The following EAPP variants were observed in gnomAD, a reference collection of about 807,000 sequenced individuals.
EAPP encodes E2F associated phosphoprotein.
In EAPP, 38 loss-of-function variants were observed where a neutral mutation model predicts 34.3. The observed-to-expected ratio is 1.11, with a 90% CI of 0.85 to 1.45. EAPP has a LOEUF of 1.45. Among genes scored for constraint, EAPP ranks in the 40% most tolerant of loss-of-function variants. The pLI is 0.00. For missense variants in EAPP, 338 were observed against 343.7 expected (o/e 0.98, Z 0.13); for synonymous variants, 113 against 117.6 (o/e 0.96, Z 0.25).
At chr14:34,530,636 A>C (rs1324727866) in intron 3 of EAPP, among the ~76,000 whole-genome samples, 1 of 152,132 alleles carries the variant, frequency 6.6e-6, no homozygotes, top group Non-Finnish European at 1.5e-5. Flanking sequence ...CAAAACTGGT[A>C]TCTCAAGGAC....
chr14:34,526,125 G>A (rs1880087567), intron 4 of EAPP, among the ~76,000 whole-genome samples: 1 of 150,992 alleles, frequency 6.6e-6, no homozygotes, highest in Admixed American at 6.6e-5. Flanking sequence ...AAACAGTAAA[G>A]CTACATTAAA....
In EAPP at chr14:34,533,482, A is replaced by C; in HGVS notation, c.314T>G (p.Ile105Arg). 6.2e-7 allele frequency: 1 copy of C among 1,611,550 alleles called. No homozygotes were observed. The highest frequency in any genetic ancestry group is 8.5e-7 in the Non-Finnish European group (1 of 1,179,356). The change falls in exon 3 of 6, where the codon ATA becomes AGA. Residue 105 changes from isoleucine to arginine, a missense_variant. Transcript: ENST00000250454. ...ATCCTCGGAATCAGAATCAAAATAT[A>C]TATCATCGTAGTACCTTGTCGGAGC... is the stretch of plus-strand genomic sequence containing the variant. ...ATAPTRYYDD[I>R]YFDSDSEDED...
Position 34,536,141 on chromosome 14 carries a change from T to C in EAPP, c.209A>G (p.Asn70Ser), listed in dbSNP as rs756786792. 26 of 1,612,740 alleles carry C rather than the reference T, an allele frequency of 1.6e-5. No homozygotes were observed. The highest frequency in any genetic ancestry group is 2.1e-5 in the Non-Finnish European group (25 of 1,179,704). The change falls in exon 2 of 6, where the codon AAT (asparagine) becomes AGT (serine). Residue 70 changes from asparagine (N) to serine (S), a missense_variant. Asn to Ser is a conservative substitution (Grantham distance 46). Transcript: ENST00000250454. ...EFEKEMEAELNSTMKTMEDKL... is the reference protein window; with the variant it reads ...EFEKEMEAELSSTMKTMEDKL... Reference sequence around the variant, plus strand: ...GTCCTCCATTGTTTTCATGGTAGAATTTAATTCAGCTTCCATCTCCTTTTC... The same window carrying C: ...GTCCTCCATTGTTTTCATGGTAGAACTTAATTCAGCTTCCATCTCCTTTTC...
intron 1 of EAPP, among the ~76,000 whole-genome samples, chr14:34,538,565 A>G (rs1203929955): frequency 1.3e-5 from 2 of 148,684 alleles, no homozygotes; most frequent in Non-Finnish European, 3.0e-5. Flanking sequence ...TGACAATATG[A>G]GGAAACATTG....
In EAPP at chr14:34,533,500, G is replaced by A; in HGVS notation, c.296C>T (p.Thr99Ile). ...AAAATATATATCATCGTAGTACCTT[G>A]TCGGAGCTGTTGCAACTTTTCCATT... ...SGNGKVATAP[T>I]RYYDDIYFDS... The change falls in exon 3 of 6, where the codon ACA becomes ATA. Residue 99 changes from threonine to isoleucine, a missense_variant. By Grantham distance (89) the Thr-to-Ile change is moderately conservative (BLOSUM62 -1). Transcript: ENST00000250454. 1 of 1,599,866 alleles carries A rather than the reference G, an allele frequency of 6.3e-7. No individual in the cohort carries two copies. Among genetic ancestry groups the A allele is most frequent in the Middle Eastern group, 1.7e-4 (1 of 5,992 alleles).
intron 5 of EAPP, among the ~76,000 whole-genome samples, chr14:34,520,141 C>T (rs1373074848): frequency 4.6e-5 from 7 of 151,816 alleles, no homozygotes; most frequent in Non-Finnish European, 8.8e-5. Flanking sequence ...CCTGCCTCAG[C>T]CTCCCAAAGT....
chr14:34,537,792 C>T (rs1021726487), intron 1 of EAPP, among the ~76,000 whole-genome samples: 1 of 152,204 alleles, frequency 6.6e-6, no homozygotes, highest in Non-Finnish European at 1.5e-5. Flanking sequence ...GATGCTCATG[C>T]TGCTTGCTGT....
At chr14:34,524,324 G>A (rs1594661035) in intron 5 of EAPP, among the ~76,000 whole-genome samples, 1 of 152,186 alleles carries the variant, frequency 6.6e-6, no homozygotes, top group East Asian at 1.9e-4. Flanking sequence ...GGGCAGCAGA[G>A]GTTGCAGCGA....
rs745982195 is a variant in EAPP at position 34,524,675 on chromosome 14, G to GTGTGTGTGTGTGTA, written c.581+21_581+22insTACACACACACACA. ...AATATGTATGTGTGTGTGTGTGTGTGTGTGTGTCCTTCATCCATTACCTTT... is the reference window on the plus strand; with the variant it reads ...AATATGTATGTGTGTGTGTGTGTGTGTGTGTGTGTGTGTATGTGTGTCCTTCATCCATTACCTTT... On this transcript the variant is annotated intron_variant, in intron 5 of 5. Coordinates refer to ENST00000250454, the MANE Select transcript of EAPP (RefSeq NM_018453.4). 7.8e-5 allele frequency: 99 copies of GTGTGTGTGTGTGTA among 1,263,176 alleles called. No individual in the cohort carries two copies. The East Asian group carries it at 1.4e-3, about 18-fold the overall frequency. 78.2% of individuals were successfully genotyped at this position (1,263,176 alleles called of 1,614,324 possible). A position where few individuals can be genotyped will look rare whatever the true frequency, so the allele number is the denominator to read the frequency against.
At position 34,524,722 on chromosome 14, in the gene EAPP, T is replaced by A. The variant is rs1336522806; in HGVS notation, c.556A>T (p.Thr186Ser). 1 of 1,609,868 alleles carries A rather than the reference T, an allele frequency of 6.2e-7. No homozygotes were observed. The highest frequency in any genetic ancestry group is 8.5e-7 in the Non-Finnish European group (1 of 1,178,508). ...DAVLNCPACM[T>S]TLCLDCQRHE... is the part of the protein sequence containing the mutation. ...CTTTGGCAATCAAGGCAAAGTGTGG[T>A]CATGCAGGCAGGACAATTCAAGACA... The change falls in exon 5 of 6, where the codon ACC becomes TCC. Residue 186 changes from threonine to serine, a missense_variant. Thr to Ser is a moderately conservative substitution (Grantham distance 58). Coordinates refer to ENST00000250454, the MANE Select transcript of EAPP (RefSeq NM_018453.4).
chr14:34,516,636 G>C, intron 5 of EAPP, 50 bp from the exon 6 acceptor site: 1 of 1,523,354 alleles, frequency 6.6e-7, no homozygotes, highest in African/African-American at 1.4e-5. Context: ...TATGTTAATA[G>C]TTTATCCATT....
At position 34,534,299 on chromosome 14, in the gene EAPP, A is replaced by AT. The variant is rs1280340052; in HGVS notation, c.257-761dup. Among the ~76,000 whole-genome samples, 5 of 152,038 alleles carry AT rather than the reference A, an allele frequency of 3.3e-5. No individual in the cohort carries two copies. The East Asian group carries it at 9.7e-4, about 30-fold the overall frequency. On this transcript the variant is annotated intron_variant, in intron 2 of 5. Transcript: ENST00000250454. The stretch of plus-strand genomic sequence containing the variant: ...AGGCAACTGCCGTCACTCCCAGCTA[A>AT]TTTTTTGTGTTTTTAGTAGAGACAG...
At chr14:34,520,176 C>T (rs1317867516) in intron 5 of EAPP, among the ~76,000 whole-genome samples, 1 of 151,100 alleles carries the variant, frequency 6.6e-6, no homozygotes, top group Non-Finnish European at 1.5e-5. Context: ...CATGAGCCAC[C>T]ATGCCTGGCC....
chr14:34,522,272 T>C (rs554668508), intron 5 of EAPP, among the ~76,000 whole-genome samples: 3 of 132,444 alleles, frequency 2.3e-5, no homozygotes, highest in Admixed American at 7.2e-5. Flanking sequence ...TTTTTAATTA[T>C]TTCGATCTCT....
At chr14:34,530,993 T>C (rs1044783878) in intron 3 of EAPP, among the ~76,000 whole-genome samples, 8 of 140,844 alleles carry the variant, frequency 5.7e-5, no homozygotes, top group Non-Finnish European at 1.2e-4. Flanking sequence ...GCCATCTACA[T>C]ACACTAGACT....
intron 5 of EAPP, among the ~76,000 whole-genome samples, chr14:34,519,925 C>G (rs1879861673): frequency 6.7e-6 from 1 of 148,164 alleles, no homozygotes; most frequent in African/African-American, 2.5e-5. Flanking sequence ...GCCCTTGTTG[C>G]CCAGGCTGAA....
intron 1 of EAPP, chr14:34,539,321 C>G (rs1227005062): frequency 4.4e-6 from 3 of 682,522 alleles, no homozygotes; most frequent in African/African-American, 1.8e-5. Flanking sequence ...AAGATTTACA[C>G]GCGGTCCCCC....
intron 5 of EAPP, among the ~76,000 whole-genome samples, chr14:34,522,475 G>C (rs1440516714): frequency 6.6e-6 from 1 of 152,082 alleles, no homozygotes; most frequent in Non-Finnish European, 1.5e-5. Context: ...ATTTGCTACT[G>C]TGTCTTGTGG....
intron 5 of EAPP, among the ~76,000 whole-genome samples, chr14:34,520,524 CAG>C (rs1171013828): frequency 2.7e-5 from 4 of 150,506 alleles, no homozygotes; most frequent in Non-Finnish European, 3.0e-5. Flanking sequence ...ATTTCTGAGA[CAG>C]AGTCTCACTC....
Sources: allele counts gnomAD v4.1 joint callset (sites outside exome capture counted in the v4.1 genomes callset), GRCh38; gene constraint gnomAD v4.1.1; transcripts MANE v1.5; gene names NCBI Gene and HGNC (gene_info 2026-07-23, HGNC 2026-07-21).